The following RB1 variants were observed in gnomAD, a reference collection of about 807,000 sequenced individuals.
RB1 encodes the protein retinoblastoma-associated protein.
RB1 carries 18 observed loss-of-function variants against 135.4 expected under a neutral mutation model. The ratio of observed to expected loss-of-function variants is 0.13; its 90% CI spans 0.09 to 0.20. The LOEUF (loss-of-function observed/expected upper bound fraction) is 0.20, where lower values mean the gene tolerates loss of function less well. Ranked by LOEUF, RB1 falls within the 10% of genes least tolerant of loss-of-function variation. The pLI is 1.00. For synonymous variants in RB1, 365 were observed against 373.2 expected (o/e 0.98, Z 0.25); for missense variants, 868 against 1,110.0 (o/e 0.78, Z 3.10).
chr13:48,337,418 C>T (rs1952395345), intron 2 of RB1, among the ~76,000 whole-genome samples: 1 of 152,150 alleles, frequency 6.6e-6, no homozygotes, highest in African/African-American at 2.4e-5. Flanking sequence ...GAATTGATCC[C>T]TTTACCATTA....
At chr13:48,371,031 C>T (rs1409387014) in intron 11 of RB1, among the ~76,000 whole-genome samples, 1 of 152,148 alleles carries the variant, frequency 6.6e-6, no homozygotes, top group Non-Finnish European at 1.5e-5. Context: ...TATCACACAA[C>T]ACAATGTGTC....
At chr13:48,320,826 G>A (rs937563497) in intron 2 of RB1, among the ~76,000 whole-genome samples, 2 of 148,374 alleles carry the variant, frequency 1.3e-5, no homozygotes, top group African/African-American at 2.5e-5. Context: ...GCGAGACTCC[G>A]TCTCAAAAAA....
At chr13:48,308,349 CA>C (rs1052768217) in intron 2 of RB1, among the ~76,000 whole-genome samples, 3 of 145,420 alleles carry the variant, frequency 2.1e-5, no homozygotes, top group Admixed American at 6.8e-5. Flanking sequence ...GACCCTGTTG[CA>C]AAAAAAAATA....
chr13:48,478,942 C>T (rs1949520211), intron 26 of RB1, among the ~76,000 whole-genome samples: 1 of 151,982 alleles, frequency 6.6e-6, no homozygotes, highest in South Asian at 2.1e-4. Context: ...ATGGCCATGC[C>T]CCGGGTAGGC....
Position 48,367,505 on chromosome 13 carries a change from T to G in RB1, c.951T>G (p.Leu317=), listed in dbSNP as rs2138120995. The G allele has an allele frequency of 6.2e-7, 1 of 1,603,730 alleles. No homozygotes were observed. Residue 317 remains leucine (L), a synonymous_variant, in exon 10 of 27, where the codon CTT becomes CTG. Transcript: ENST00000267163. ...TSNGLPEVEN[L]SKRYEEIYLK... Reference sequence around the variant, plus strand: ...TTTTTTCTTTCAAGGTTGAAAATCTTTCTAAACGATACGAAGAAATTTATC... The same window carrying G: ...TTTTTTCTTTCAAGGTTGAAAATCTGTCTAAACGATACGAAGAAATTTATC...
chr13:48,419,942 T>G (rs1348940225), intron 17 of RB1, among the ~76,000 whole-genome samples: 4 of 152,198 alleles, frequency 2.6e-5, no homozygotes, highest in African/African-American at 9.7e-5. Context: ...GATTCACAGC[T>G]GAATTCTGCC....
intron 17 of RB1, among the ~76,000 whole-genome samples, chr13:48,387,705 A>G (rs1948580887): frequency 6.6e-6 from 1 of 152,290 alleles, no homozygotes; most frequent in Non-Finnish European, 1.5e-5. Context: ...AAATGGGTGA[A>G]TTGTATAGGA....
Position 48,453,067 on chromosome 13 carries a change from T to C in RB1, c.1770T>C (p.Cys590=), listed in dbSNP as rs145310579. 4.7e-4 allele frequency: 764 copies of C among 1,613,220 alleles called. 1 individual carries two copies. Among genetic ancestry groups the C allele is most frequent in the Admixed American group, 3.2e-3 (194 of 60,000 alleles). The change falls in exon 18 of 27, where the codon TGT becomes TGC. Residue 590 remains cysteine, a synonymous_variant. Transcript: ENST00000267163. ...EGPTDHLESA[C]PLNLPLQNNH... is the part of the protein sequence containing the mutation. ...CAACTGATCACCTTGAATCTGCTTGTCCTCTTAATCTTCCTCTCCAGAATA... is the reference window on the plus strand; with the variant it reads ...CAACTGATCACCTTGAATCTGCTTGCCCTCTTAATCTTCCTCTCCAGAATA...
chr13:48,377,013 T>C lies in RB1; in HGVS notation c.1311T>C (p.Gly437=), dbSNP rs759207520. 15 of 1,613,782 alleles carry C rather than the reference T, an allele frequency of 9.3e-6. No homozygotes were observed. Among genetic ancestry groups the C allele is most frequent in the Non-Finnish European group, 1.3e-5 (15 of 1,179,846 alleles). ...AATTTGCTAAAGCTGTGGGACAGGG[T>C]TGTGTCGAAATTGGATCACAGGTAA... is the stretch of plus-strand genomic sequence containing the variant. ...KEKFAKAVGQ[G]CVEIGSQRYK... is the part of the protein sequence containing the mutation. The change falls in exon 13 of 27, where the codon GGT becomes GGC. Residue 437 remains glycine, a synonymous_variant. Transcript: ENST00000267163.
At chr13:48,436,742 A>G (rs538942836) in intron 17 of RB1, among the ~76,000 whole-genome samples, 1 of 152,290 alleles carries the variant, frequency 6.6e-6, no homozygotes, top group African/African-American at 2.4e-5. Context: ...AAAATGGAAA[A>G]GATCTTCAGA....
chr13:48,332,711 C>G (rs562100181), intron 2 of RB1, among the ~76,000 whole-genome samples: 1 of 152,176 alleles, frequency 6.6e-6, no homozygotes, highest in Non-Finnish European at 1.5e-5. Flanking sequence ...ACGACATACA[C>G]ACAGACAAAA....
At chr13:48,476,055 G>C (rs1949502364) in intron 24 of RB1, among the ~76,000 whole-genome samples, 1 of 152,160 alleles carries the variant, frequency 6.6e-6, no homozygotes, top group Non-Finnish European at 1.5e-5. Context: ...AATTGTATAT[G>C]TGCTCCAAAT....
chr13:48,410,847 AAT>A (rs1392665752), intron 17 of RB1, among the ~76,000 whole-genome samples: 2 of 152,292 alleles, frequency 1.3e-5, no homozygotes, highest in Admixed American at 6.5e-5. Context: ...CAACAATGTT[AAT>A]ATGTCATCAT....
chr13:48,479,857 G>A, intron 26 of RB1, 141 bp from the exon 27 acceptor site: 1 of 702,650 alleles, frequency 1.4e-6, no homozygotes, highest in Non-Finnish European at 2.6e-6. Flanking sequence ...CTACGGTACT[G>A]TCAAATACTA....
chr13:48,339,450 G>A (rs573477190), intron 2 of RB1, among the ~76,000 whole-genome samples: 39 of 152,320 alleles, frequency 2.6e-4, no homozygotes, highest in East Asian at 1.7e-3. Flanking sequence ...GCGAGGCTCC[G>A]TGGGTGTGGG....
At chr13:48,362,460 G>A (rs1175302469) in intron 7 of RB1, among the ~76,000 whole-genome samples, 1 of 151,838 alleles carries the variant, frequency 6.6e-6, no homozygotes, top group East Asian at 1.9e-4. Context: ...AGAAATATTT[G>A]CTAATTATTT....
At chr13:48,412,040 T>G (rs758927137) in intron 17 of RB1, 14 of 1,613,314 alleles carry the variant, frequency 8.7e-6, no homozygotes, top group Non-Finnish European at 1.0e-5. Flanking sequence ...TTCTTTTGGT[T>G]CTTAGAGTCT....
At chr13:48,408,441 A>G (rs546690731) in intron 17 of RB1, among the ~76,000 whole-genome samples, 1 of 152,258 alleles carries the variant, frequency 6.6e-6, no homozygotes, top group East Asian at 1.9e-4. Flanking sequence ...GGGAAGGAAG[A>G]TTAGTCAAAT....
Position 48,303,788 on chromosome 13 carries a change from AG to A in RB1, c.-121del. ...GGGGAGGGCGCGTCCGGTTTTTCTC[AG>A]GGGACGTTGAAATTATTTTTGTAAC... On this transcript the variant is annotated 5_prime_UTR_variant, in exon 1 of 27. Transcript: ENST00000267163. 1 of 1,390,418 alleles carries A rather than the reference AG, an allele frequency of 7.2e-7. No individual in the cohort carries two copies. The highest frequency in any genetic ancestry group is 9.5e-7 in the Non-Finnish European group (1 of 1,052,256). The allele number at this position is 1,390,418 out of a possible 1,614,324, so 86.1% of individuals were successfully genotyped here. A position where few individuals can be genotyped will look rare whatever the true frequency, so the allele number is the denominator to read the frequency against.
Sources: allele counts gnomAD v4.1 joint callset (sites outside exome capture counted in the v4.1 genomes callset), GRCh38; gene constraint gnomAD v4.1.1; transcripts MANE v1.5; gene names NCBI Gene and HGNC (gene_info 2026-07-23, HGNC 2026-07-21).